HMCN1: variants seen among roughly 807,000 people sequenced by gnomAD.
HMCN1 encodes hemicentin-1.
A neutral mutation model predicts 625.9 loss-of-function variants in HMCN1; 321 were observed. The ratio of observed to expected loss-of-function variants is 0.51; its 90% CI spans 0.47 to 0.56. HMCN1 has a LOEUF of 0.56. HMCN1 is among the 20% of genes least tolerant of loss of function. The probability of loss-of-function intolerance (pLI) is 0.00; values close to 1 mark genes in which losing one functional copy is unlikely to be tolerated. For missense variants in HMCN1, 6,588 were observed against 6,887.3 expected, an observed-to-expected ratio of 0.96 and a Z score of 1.54; for synonymous variants, 2,425 against 2,417.6, an observed-to-expected ratio of 1.00 and a Z score of -0.09.
At chr1:186,052,450 CTG>C (rs1657019450) in intron 42 of HMCN1, among the ~76,000 whole-genome samples, 1 of 152,078 alleles carries the variant, frequency 6.6e-6, no homozygotes, top group Non-Finnish European at 1.5e-5. Context: ...GAGAAGCAGA[CTG>C]TGCAATCTGA....
intron 97 of HMCN1, among the ~76,000 whole-genome samples, chr1:186,160,980 G>A (rs1303887565): frequency 2.0e-5 from 3 of 151,964 alleles, no homozygotes; most frequent in Non-Finnish European, 4.4e-5. Context: ...TATCCTTGTT[G>A]ACTTTCTGTC....
At chr1:186,143,246 T>C (rs958098701) in intron 89 of HMCN1, among the ~76,000 whole-genome samples, 3 of 152,238 alleles carry the variant, frequency 2.0e-5, no homozygotes, top group African/African-American at 4.8e-5. Flanking sequence ...CATTACATGG[T>C]TTTCAACTTG....
intron 1 of HMCN1, among the ~76,000 whole-genome samples, chr1:185,826,972 C>G (rs1012098511): frequency 6.6e-6 from 1 of 151,648 alleles, no homozygotes; most frequent in Non-Finnish European, 1.5e-5. Context: ...GTCAGAAGAT[C>G]GAGACCATCC....
intron 105 of HMCN1, among the ~76,000 whole-genome samples, chr1:186,186,053 T>A (rs1653283242): frequency 6.6e-6 from 1 of 152,230 alleles, no homozygotes; most frequent in Non-Finnish European, 1.5e-5. Context: ...TATGTTAATG[T>A]GCTCAAGCTT....
intron 77 of HMCN1, among the ~76,000 whole-genome samples, 181 bp from the exon 78 acceptor site, chr1:186,119,010 C>T (rs1661263059): frequency 2.6e-5 from 4 of 152,022 alleles, no homozygotes; most frequent in Non-Finnish European, 5.9e-5. Flanking sequence ...GTAAATTATG[C>T]CTCAATAAAG....
At chr1:186,181,456 T>C (rs1558287284) in intron 104 of HMCN1, among the ~76,000 whole-genome samples, 1 of 152,140 alleles carries the variant, frequency 6.6e-6, no homozygotes, top group Non-Finnish European at 1.5e-5. Flanking sequence ...CTTTCCCACA[T>C]ATTACTGTAT....
intron 4 of HMCN1, among the ~76,000 whole-genome samples, chr1:185,881,174 C>T (rs1382949927): frequency 1.3e-5 from 2 of 152,256 alleles, no homozygotes; most frequent in African/African-American, 4.8e-5. Flanking sequence ...ACCAGTGTGA[C>T]AGCCTTTCAT....
intron 11 of HMCN1, among the ~76,000 whole-genome samples, chr1:185,934,518 T>A (rs1056658086): frequency 1.3e-5 from 2 of 152,220 alleles, no homozygotes; most frequent in African/African-American, 4.8e-5. Context: ...GAAATGACGA[T>A]CAGAAACCAC....
At chr1:185,873,412 A>G (rs976748414) in intron 4 of HMCN1, among the ~76,000 whole-genome samples, 5 of 152,094 alleles carry the variant, frequency 3.3e-5, no homozygotes, top group Non-Finnish European at 4.4e-5. Context: ...ATTGTCCCAG[A>G]TGCTTGATAT....
intron 72 of HMCN1, among the ~76,000 whole-genome samples, chr1:186,113,587 G>A (rs1660988200): frequency 6.6e-6 from 1 of 152,120 alleles, no homozygotes; most frequent in South Asian, 2.1e-4. Context: ...TGTTAAAACA[G>A]CCCACTTTCT....
At chr1:185,865,614 CACACACACACACACACAT>C (rs1226532394) in intron 3 of HMCN1, 109 bp from the exon 4 acceptor site, 13 of 717,472 alleles carry the variant, frequency 1.8e-5, no homozygotes, top group Non-Finnish European at 2.9e-5. Flanking sequence ...CACACACACA[CACACACACACACACACAT>C]TCACATATTC....
intron 11 of HMCN1, among the ~76,000 whole-genome samples, chr1:185,954,922 G>A (rs1332530598): frequency 6.6e-6 from 1 of 152,116 alleles, no homozygotes; most frequent in Non-Finnish European, 1.5e-5. Flanking sequence ...TGGGTGCTTG[G>A]CATTGCTGAT....
chr1:186,064,151 C>T (rs1657957283), intron 48 of HMCN1, among the ~76,000 whole-genome samples: 1 of 152,048 alleles, frequency 6.6e-6, no homozygotes, highest in South Asian at 2.1e-4. Flanking sequence ...TAATTTACAA[C>T]AGTTGCATAG....
intron 46 of HMCN1, among the ~76,000 whole-genome samples, chr1:186,058,462 A>G (rs1193079643): frequency 6.6e-6 from 1 of 151,988 alleles, no homozygotes; most frequent in Non-Finnish European, 1.5e-5. Context: ...TTGCAAAGGA[A>G]AATAACTATG....
At position 185,781,248 on chromosome 1, in the gene HMCN1, T is replaced by C. The variant is rs940787663; in HGVS notation, c.268+46201T>C. Among the ~76,000 whole-genome samples, 5 of 152,220 alleles carry C rather than the reference T, an allele frequency of 3.3e-5. No individual in the cohort carries two copies. The East Asian group carries it at 9.6e-4, about 29-fold the overall frequency. Reference sequence around the variant, plus strand: ...TTTGATTCTTCTCTCTTTTCTTCTTTATTAGTCTTGCTAGCAGTCTATCAG... The same window carrying C: ...TTTGATTCTTCTCTCTTTTCTTCTTCATTAGTCTTGCTAGCAGTCTATCAG... On this transcript the variant is annotated intron_variant, in intron 1 of 106. Transcript: ENST00000271588.
chr1:186,086,810 TAGATGATAGATAGATA>T (rs1558210882), intron 58 of HMCN1, among the ~76,000 whole-genome samples: 2 of 23,572 alleles, frequency 8.5e-5, no homozygotes, highest in South Asian at 1.1e-3. Flanking sequence ...GATAGATAGA[TAGATGATAGATAGATA>T]GATAGATAGA....
rs565130377 is a variant in HMCN1 at position 186,190,829 on chromosome 1, T to C, written c.*951T>C. The C allele has an allele frequency of 4.7e-5, 9 of 192,428 alleles. No homozygotes were observed. The East Asian group carries it at 5.8e-4, about 12-fold the overall frequency. The allele number at this position is 192,428 out of a possible 1,614,324, so 11.9% of individuals were successfully genotyped here. A position where few individuals can be genotyped will look rare whatever the true frequency, so the allele number is the denominator to read the frequency against. On this transcript the variant is annotated 3_prime_UTR_variant, in exon 107 of 107. Transcript: ENST00000271588. ...ATTCTATTTTTATGAAGTGTATATA[T>C]ATTACCTTAGTGTGCATTTTCTATA...
intron 1 of HMCN1, among the ~76,000 whole-genome samples, chr1:185,779,341 T>G (rs181737339): frequency 6.6e-4 from 100 of 152,368 alleles, no homozygotes; most frequent in Admixed American, 3.9e-3. Flanking sequence ...GCAGCAGCTC[T>G]TGAGTTTAAT....
At chr1:185,941,076 C>T (rs1235631948) in intron 11 of HMCN1, among the ~76,000 whole-genome samples, 4 of 152,098 alleles carry the variant, frequency 2.6e-5, no homozygotes, top group Non-Finnish European at 5.9e-5. Flanking sequence ...AGGCTCATCT[C>T]GAGCTCCTGA....
Sources: allele counts gnomAD v4.1 joint callset (sites outside exome capture counted in the v4.1 genomes callset), GRCh38; gene constraint gnomAD v4.1.1; transcripts MANE v1.5; gene names NCBI Gene and HGNC (gene_info 2026-07-23, HGNC 2026-07-21).